Variants in ENTREP2 observed in about 807,000 individuals in gnomAD.
ENTREP2 encodes the protein endosomal transmembrane epsin interactor 2.
At chr15:29,249,616 T>C in the ENTREP2 span, among the ~76,000 whole-genome samples, 36 of 152,326 alleles carry the variant, frequency 2.4e-4, no homozygotes, top group Middle Eastern at 3.4e-3. Context: ...AAATTTTATA[T>C]ATGAAAGGAG....
At chr15:29,657,249 C>T in the ENTREP2 span, among the ~76,000 whole-genome samples, 2 of 151,378 alleles carry the variant, frequency 1.3e-5, no homozygotes, top group South Asian at 2.1e-4. Context: ...TTAGTGGCTA[C>T]AGGGTTTCAC....
chr15:29,439,942 A>AG, the ENTREP2 span, among the ~76,000 whole-genome samples: 508 of 152,154 alleles, frequency 3.3e-3, 4 homozygotes, highest in African/African-American at 0.011. Context: ...TGATGTGATG[A>AG]GGGGGGTACC....
At chr15:29,145,360 T>C in the ENTREP2 span, among the ~76,000 whole-genome samples, 4 of 152,080 alleles carry the variant, frequency 2.6e-5, no homozygotes, top group African/African-American at 7.2e-5. Context: ...CGGTGGCTCA[T>C]GCCTGTAATC....
chr15:29,463,290 C>T, the ENTREP2 span, among the ~76,000 whole-genome samples: 4 of 152,136 alleles, frequency 2.6e-5, no homozygotes, highest in Admixed American at 6.6e-5. Flanking sequence ...TGACCACACA[C>T]CTCAGAGGAT....
At chr15:29,287,186 G>A in the ENTREP2 span, among the ~76,000 whole-genome samples, 1 of 152,208 alleles carries the variant, frequency 6.6e-6, no homozygotes, top group East Asian at 1.9e-4. Context: ...AGCTGAAATG[G>A]TTTCTTTCAG....
At chr15:29,363,114 C>A in the ENTREP2 span, among the ~76,000 whole-genome samples, 1 of 151,942 alleles carries the variant, frequency 6.6e-6, no homozygotes, top group Non-Finnish European at 1.5e-5. Context: ...TTCTTCTGCA[C>A]TTAATAAATG....
At chr15:29,272,732 T>C in the ENTREP2 span, among the ~76,000 whole-genome samples, 1 of 152,138 alleles carries the variant, frequency 6.6e-6, no homozygotes, top group South Asian at 2.1e-4. Flanking sequence ...CAAGGAGAAA[T>C]GTGCATATGC....
the ENTREP2 span, among the ~76,000 whole-genome samples, chr15:29,211,013 GGT>G: frequency 6.6e-6 from 1 of 152,206 alleles, no homozygotes; most frequent in East Asian, 1.9e-4. Flanking sequence ...GAACTGTGCA[GGT>G]ACCACATGTT....
the ENTREP2 span, among the ~76,000 whole-genome samples, chr15:29,371,739 G>A: frequency 8.2e-4 from 125 of 151,998 alleles, no homozygotes; most frequent in Non-Finnish European, 1.5e-3. Context: ...ACAGTAGAAT[G>A]GATACAGCTG....
the ENTREP2 span, among the ~76,000 whole-genome samples, chr15:29,500,804 T>C: frequency 2.6e-5 from 4 of 151,782 alleles, no homozygotes; most frequent in African/African-American, 7.3e-5. Flanking sequence ...AAAACCAAAG[T>C]TGGTTCTTTG....
the ENTREP2 span, among the ~76,000 whole-genome samples, chr15:29,652,310 C>T: frequency 1.3e-5 from 2 of 152,250 alleles, no homozygotes; most frequent in Admixed American, 6.5e-5. Context: ...ACCCTGGTTG[C>T]AAAAAGGAGC....
the ENTREP2 span, among the ~76,000 whole-genome samples, chr15:29,427,963 C>T: frequency 5.3e-5 from 8 of 152,028 alleles, no homozygotes; most frequent in Admixed American, 2.6e-4. Context: ...CTTAAAAGTC[C>T]GAAACCAACA....
chr15:29,658,919 G>A, the ENTREP2 span, among the ~76,000 whole-genome samples: 1 of 152,324 alleles, frequency 6.6e-6, no homozygotes, highest in East Asian at 1.9e-4. Context: ...ACAACCAAGA[G>A]GTGATCCTCA....
the ENTREP2 span, among the ~76,000 whole-genome samples, chr15:29,254,195 C>G: frequency 1.1e-4 from 14 of 129,290 alleles, no homozygotes; most frequent in Non-Finnish European, 1.8e-4. Flanking sequence ...AAAAAATTCA[C>G]TGGATATTCT....
the ENTREP2 span, among the ~76,000 whole-genome samples, chr15:29,381,314 G>A: frequency 7.3e-5 from 11 of 151,160 alleles, no homozygotes; most frequent in South Asian, 8.4e-4. Context: ...AAAATTAGCC[G>A]GGCATGGTGG....
chr15:29,669,362 A>G, the ENTREP2 span, among the ~76,000 whole-genome samples: 21,393 of 152,064 alleles, frequency 0.14, 3,008 homozygotes, highest in African/African-American at 0.36. Flanking sequence ...ATAAGAAGAG[A>G]AAGAGACATG....
the ENTREP2 span, among the ~76,000 whole-genome samples, chr15:29,339,769 C>T: frequency 6.6e-6 from 1 of 152,204 alleles, no homozygotes; most frequent in Non-Finnish European, 1.5e-5. Flanking sequence ...TAAAGTCACT[C>T]ATTAACATAT....
At chr15:29,581,127 C>G in the ENTREP2 span, among the ~76,000 whole-genome samples, 1 of 151,776 alleles carries the variant, frequency 6.6e-6, no homozygotes, top group Non-Finnish European at 1.5e-5. Flanking sequence ...ATAAACAGAC[C>G]AAGTAATGAA....
the ENTREP2 span, among the ~76,000 whole-genome samples, chr15:29,343,365 A>C: frequency 6.6e-6 from 1 of 152,036 alleles, no homozygotes; most frequent in South Asian, 2.1e-4. Context: ...AGGCCCTCAG[A>C]GCAAAGACTG....
Sources: allele counts gnomAD v4.1 joint callset (sites outside exome capture counted in the v4.1 genomes callset), GRCh38; gene constraint gnomAD v4.1.1; transcripts MANE v1.5; gene names NCBI Gene and HGNC (gene_info 2026-07-23, HGNC 2026-07-21).